Variants in SV2C observed in about 807,000 individuals in gnomAD.
SV2C encodes synaptic vesicle glycoprotein 2C.
SV2C carries 49 observed loss-of-function variants against 79.7 expected under a neutral mutation model. The ratio of observed to expected loss-of-function variants is 0.61; its 90% CI spans 0.49 to 0.78. The LOEUF is 0.78. Ranked by LOEUF, SV2C falls within the 30% of genes least tolerant of loss-of-function variation. The pLI is 0.00. For missense variants in SV2C, 833 were observed against 912.9 expected, an observed-to-expected ratio of 0.91 and a Z score of 1.13; for synonymous variants, 334 against 333.2, an observed-to-expected ratio of 1.00 and a Z score of -0.03.
At chr5:76,302,299 G>T in intron 12 of SV2C, among the ~76,000 whole-genome samples, 1 of 152,134 alleles carries the variant, frequency 6.6e-6, no homozygotes, top group East Asian at 1.9e-4. Flanking sequence ...TTCCTGGTTT[G>T]TTGGAGGAAA....
intron 3 of SV2C, among the ~76,000 whole-genome samples, chr5:76,200,454 C>T (rs551506446): frequency 3.3e-5 from 5 of 152,286 alleles, no homozygotes; most frequent in East Asian, 3.9e-4. Context: ...TCATTTTAAA[C>T]TTGCAACTCT....
At chr5:76,177,032 G>A (rs945488717) in intron 2 of SV2C, among the ~76,000 whole-genome samples, 2 of 151,056 alleles carry the variant, frequency 1.3e-5, no homozygotes, top group African/African-American at 2.4e-5. Flanking sequence ...GGAGAATGGC[G>A]TGAACCCGGG....
At chr5:76,171,492 C>T (rs998840659) in intron 2 of SV2C, among the ~76,000 whole-genome samples, 27 of 124,820 alleles carry the variant, frequency 2.2e-4, no homozygotes, top group African/African-American at 7.4e-4. Flanking sequence ...AGTGAGGAGA[C>T]CCTCTGCCTG....
chr5:76,267,027 G>T (rs901689566), intron 4 of SV2C, among the ~76,000 whole-genome samples: 4 of 152,162 alleles, frequency 2.6e-5, no homozygotes, highest in Non-Finnish European at 4.4e-5. Flanking sequence ...GACATCAAAG[G>T]CATAAATATG....
chr5:76,164,208 A>G (rs138021575), intron 2 of SV2C, among the ~76,000 whole-genome samples: 140 of 152,340 alleles, frequency 9.2e-4, no homozygotes, highest in African/African-American at 2.6e-3. Context: ...TTAAGATGCC[A>G]TATTTCTTTT....
chr5:75,959,833 T>C, the SV2C span, among the ~76,000 whole-genome samples: 2 of 152,008 alleles, frequency 1.3e-5, no homozygotes, highest in African/African-American at 4.8e-5. Flanking sequence ...AAAGGAAAGA[T>C]AAGACCAGTC....
At chr5:76,115,263 G>T (rs1176173554) in intron 1 of SV2C, among the ~76,000 whole-genome samples, 1 of 152,170 alleles carries the variant, frequency 6.6e-6, no homozygotes, top group Non-Finnish European at 1.5e-5. Flanking sequence ...ACCAGTATTT[G>T]GCTCTATAGC....
chr5:75,896,189 A>G, the SV2C span, among the ~76,000 whole-genome samples: 3 of 150,256 alleles, frequency 2.0e-5, no homozygotes, highest in African/African-American at 4.9e-5. Flanking sequence ...CATTAGGTAT[A>G]TCTCCTAATG....
chr5:76,320,373 CATT>C (rs1472002655), intron 12 of SV2C, among the ~76,000 whole-genome samples: 1 of 151,978 alleles, frequency 6.6e-6, no homozygotes, highest in African/African-American at 2.4e-5. Flanking sequence ...GGATACATGT[CATT>C]ATACATGTGT....
chr5:76,336,058 CCCCA>C (rs1749314795), downstream of SV2C, among the ~76,000 whole-genome samples: 16 of 65,912 alleles, frequency 2.4e-4, no homozygotes, highest in Non-Finnish European at 6.4e-4. Context: ...GGGCTGACCC[CCCCA>C]CCTCCCTCCC....
chr5:76,011,238 A>G, the SV2C span, among the ~76,000 whole-genome samples: 5 of 152,196 alleles, frequency 3.3e-5, no homozygotes, highest in Non-Finnish European at 7.3e-5. Context: ...AAGTTTCATC[A>G]TTAATAGAAA....
At chr5:76,274,499 GC>G (rs1746963396) in intron 4 of SV2C, among the ~76,000 whole-genome samples, 1 of 151,924 alleles carries the variant, frequency 6.6e-6, no homozygotes, top group Non-Finnish European at 1.5e-5. Flanking sequence ...ATTTAAAAGT[GC>G]TTTTTTCACT....
intron 2 of SV2C, among the ~76,000 whole-genome samples, chr5:76,164,409 A>T (rs1742982821): frequency 6.6e-6 from 1 of 152,340 alleles, no homozygotes; most frequent in East Asian, 1.9e-4. Context: ...CGAGCTCCAC[A>T]ATAGGATGTC....
At chr5:76,228,521 C>T (rs960527121) in intron 4 of SV2C, among the ~76,000 whole-genome samples, 1 of 152,032 alleles carries the variant, frequency 6.6e-6, no homozygotes, top group Non-Finnish European at 1.5e-5. Flanking sequence ...AACGGAGCAG[C>T]TAGAAAATTA....
intron 4 of SV2C, among the ~76,000 whole-genome samples, chr5:76,244,250 T>C (rs1300619747): frequency 6.6e-6 from 1 of 152,204 alleles, no homozygotes; most frequent in Admixed American, 6.5e-5. Flanking sequence ...GTATTTCTGG[T>C]GTGGATTGGG....
chr5:75,918,471 TG>T, the SV2C span, among the ~76,000 whole-genome samples: 4 of 152,370 alleles, frequency 2.6e-5, no homozygotes, highest in South Asian at 8.3e-4. Context: ...TCGTGAAAGA[TG>T]TAGGCTCTAA....
upstream of SV2C, chr5:76,079,104 A>G: frequency 2.8e-6 from 1 of 362,732 alleles, no homozygotes; most frequent in Non-Finnish European, 5.5e-6. Flanking sequence ...ATGAAGATTC[A>G]CCTTATTGGA....
the SV2C span, among the ~76,000 whole-genome samples, chr5:76,011,921 C>T: frequency 1.3e-5 from 2 of 152,048 alleles, no homozygotes; most frequent in African/African-American, 2.4e-5. Context: ...TCATCGATGT[C>T]GCTGCAAAGG....
the SV2C span, among the ~76,000 whole-genome samples, chr5:75,979,343 A>G: frequency 0.02 from 3,110 of 152,052 alleles, 80 homozygotes; most frequent in African/African-American, 0.056. Flanking sequence ...AATTAACAGA[A>G]ATATTCATGA....
Sources: allele counts gnomAD v4.1 joint callset (sites outside exome capture counted in the v4.1 genomes callset), GRCh38; gene constraint gnomAD v4.1.1; transcripts MANE v1.5; gene names NCBI Gene and HGNC (gene_info 2026-07-23, HGNC 2026-07-21).